ANTXR2: variants seen among roughly 807,000 people sequenced by gnomAD.
ANTXR2 encodes the protein anthrax toxin receptor 2.
Under a neutral mutation model 73.7 loss-of-function variants are expected in ANTXR2, and 44 were observed. The observed-to-expected ratio is 0.60, with a 90% confidence interval of 0.47 to 0.77. The LOEUF is 0.77. Ranked by LOEUF, ANTXR2 falls within the 30% of genes least tolerant of loss-of-function variation. The probability of loss-of-function intolerance (pLI) is 0.00; values close to 1 mark genes in which losing one functional copy is unlikely to be tolerated. For missense variants in ANTXR2, 604 were observed against 592.5 expected (o/e 1.02, Z -0.20); for synonymous variants, 217 against 205.9 (o/e 1.05, Z -0.46).
chr4:79,907,825 T>C (rs1231886550), intron 16 of ANTXR2, among the ~76,000 whole-genome samples: 1 of 152,238 alleles, frequency 6.6e-6, no homozygotes, highest in African/African-American at 2.4e-5. Flanking sequence ...TATTTTCTTA[T>C]GCAAGCTGAT....
intron 2 of ANTXR2, among the ~76,000 whole-genome samples, chr4:80,071,282 A>C (rs1734775334): frequency 6.6e-6 from 1 of 152,184 alleles, no homozygotes; most frequent in African/African-American, 2.4e-5. Flanking sequence ...TTTTAATGTG[A>C]TAAATTATGA....
At chr4:80,055,573 G>C in intron 4 of ANTXR2, 106 bp from the exon 5 acceptor site, 2 of 917,214 alleles carry the variant, frequency 2.2e-6, no homozygotes, top group South Asian at 3.1e-5. Flanking sequence ...AATATTACTG[G>C]CTAGCTTTTA....
intron 12 of ANTXR2, among the ~76,000 whole-genome samples, chr4:79,997,245 A>T (rs1362455738): frequency 6.6e-6 from 1 of 151,800 alleles, no homozygotes; most frequent in African/African-American, 2.4e-5. Flanking sequence ...AACTGTCAAC[A>T]TTGAATTGCC....
At chr4:79,930,261 T>A (rs372252469) in intron 16 of ANTXR2, among the ~76,000 whole-genome samples, 1 of 152,190 alleles carries the variant, frequency 6.6e-6, no homozygotes, top group South Asian at 2.1e-4. Context: ...ATTATGAAGA[T>A]GAATATAAGA....
intron 8 of ANTXR2, among the ~76,000 whole-genome samples, chr4:80,035,000 C>G (rs1305848607): frequency 2.6e-5 from 4 of 152,128 alleles, no homozygotes; most frequent in Non-Finnish European, 5.9e-5. Flanking sequence ...CTGAACCTGT[C>G]TCTGCCTCAG....
intron 16 of ANTXR2, among the ~76,000 whole-genome samples, chr4:79,923,440 T>A (rs1014236397): frequency 2.6e-5 from 4 of 151,964 alleles, no homozygotes; most frequent in Non-Finnish European, 5.9e-5. Flanking sequence ...GCCCATCAAT[T>A]AATAGGGAAG....
chr4:80,035,894 A>G (rs1732931881), intron 8 of ANTXR2, 78 bp downstream of exon 8: 7 of 1,213,624 alleles, frequency 5.8e-6, no homozygotes, highest in South Asian at 1.4e-5. Context: ...TTTTTCCAAC[A>G]TGAGTTTCAT....
At chr4:80,064,532 C>A (rs1734408748) in intron 3 of ANTXR2, among the ~76,000 whole-genome samples, 1 of 151,990 alleles carries the variant, frequency 6.6e-6, no homozygotes, top group Admixed American at 6.6e-5. Context: ...TTAGAGTCAT[C>A]AAGATAAAAA....
At chr4:79,995,395 TAC>T in intron 12 of ANTXR2, among the ~76,000 whole-genome samples, 1 of 152,000 alleles carries the variant, frequency 6.6e-6, no homozygotes, top group African/African-American at 2.4e-5. Flanking sequence ...ACAAAAATAA[TAC>T]ACAGATAGAT....
chr4:80,052,016 A>T (rs370177680), intron 7 of ANTXR2, among the ~76,000 whole-genome samples: 18 of 151,648 alleles, frequency 1.2e-4, no homozygotes, highest in African/African-American at 3.9e-4. Context: ...ATGCACTGAC[A>T]ATGAGGCCAG....
chr4:79,936,954 AAGTC>A (rs1268142120), intron 16 of ANTXR2, among the ~76,000 whole-genome samples: 19 of 152,194 alleles, frequency 1.2e-4, no homozygotes, highest in Admixed American at 1.3e-4. Context: ...GCTAGGCAGA[AAGTC>A]AGCAAGCAAT....
intron 7 of ANTXR2, 115 bp downstream of exon 7, chr4:80,054,157 C>T: frequency 2.6e-6 from 2 of 776,878 alleles, no homozygotes; most frequent in Non-Finnish European, 4.1e-6. Context: ...AAATCTCTTC[C>T]TTAATCTCTT....
chr4:80,040,311 C>G (rs1048688377), intron 7 of ANTXR2, among the ~76,000 whole-genome samples: 3 of 151,916 alleles, frequency 2.0e-5, no homozygotes, highest in African/African-American at 7.3e-5. Flanking sequence ...ATAGAATAAA[C>G]CAAAATGAGT....
At chr4:79,917,561 A>G (rs1404732035) in intron 16 of ANTXR2, among the ~76,000 whole-genome samples, 1 of 152,176 alleles carries the variant, frequency 6.6e-6, no homozygotes, top group Non-Finnish European at 1.5e-5. Flanking sequence ...CCTCCGCTGC[A>G]ACTTTACAAG....
chr4:80,036,691 C>T (rs1732985871), intron 7 of ANTXR2, among the ~76,000 whole-genome samples: 1 of 152,040 alleles, frequency 6.6e-6, no homozygotes, highest in Admixed American at 6.6e-5. Flanking sequence ...ATCCCAGCTA[C>T]TCGGGAGGCT....
At chr4:79,959,291 C>T (rs1578112319) in intron 16 of ANTXR2, among the ~76,000 whole-genome samples, 1 of 151,912 alleles carries the variant, frequency 6.6e-6, no homozygotes, top group South Asian at 2.1e-4. Flanking sequence ...ATAATTCAAA[C>T]GTTAAATTTC....
intron 16 of ANTXR2, among the ~76,000 whole-genome samples, chr4:79,976,336 T>C (rs1456066062): frequency 1.3e-5 from 2 of 152,126 alleles, no homozygotes; most frequent in Non-Finnish European, 2.9e-5. Context: ...TAGGAGGCAG[T>C]ACTGGATTCT....
chr4:80,053,199 T>A (rs1036311386), intron 7 of ANTXR2, among the ~76,000 whole-genome samples: 4 of 151,656 alleles, frequency 2.6e-5, no homozygotes, highest in South Asian at 2.1e-4. Context: ...TTATCCTGAA[T>A]CCAGCTATAA....
chr4:79,975,636 A>G (rs529455749), intron 16 of ANTXR2, among the ~76,000 whole-genome samples: 2 of 152,336 alleles, frequency 1.3e-5, no homozygotes, highest in African/African-American at 4.8e-5. Context: ...CCTGGGGAAT[A>G]AAAACTAAGA....
Sources: allele counts gnomAD v4.1 joint callset (sites outside exome capture counted in the v4.1 genomes callset), GRCh38; gene constraint gnomAD v4.1.1; transcripts MANE v1.5; gene names NCBI Gene and HGNC (gene_info 2026-07-23, HGNC 2026-07-21).